The following RNF150 variants were observed in gnomAD, a reference collection of about 807,000 sequenced individuals.
The protein encoded by RNF150 is ring finger protein 150.
In RNF150, 24 loss-of-function variants were observed where a neutral mutation model predicts 39.3. The ratio of observed to expected loss-of-function variants is 0.61; its 90% CI spans 0.44 to 0.86. The LOEUF is 0.86. RNF150 is among the 40% of genes least tolerant of loss of function. The pLI, the probability that RNF150 is intolerant of heterozygous loss-of-function variation, is 0.00. For missense variants in RNF150, 502 were observed against 587.8 expected (o/e 0.85, Z 1.51); for synonymous variants, 255 against 227.3 (o/e 1.12, Z -1.10).
At chr4:141,016,334 A>T (rs112972596) in intron 1 of RNF150, among the ~76,000 whole-genome samples, 3 of 152,310 alleles carry the variant, frequency 2.0e-5, no homozygotes, top group African/African-American at 7.2e-5. Flanking sequence ...AGACACACCC[A>T]CTTGCACCAA....
intron 6 of RNF150, among the ~76,000 whole-genome samples, chr4:140,868,757 C>T (rs60481929): frequency 0.011 from 1,601 of 152,058 alleles, 33 homozygotes; most frequent in African/African-American, 0.037. Context: ...GCATATCAAA[C>T]TCAGGAATTT....
intron 1 of RNF150, among the ~76,000 whole-genome samples, chr4:141,052,584 C>T (rs1018883065): frequency 2.0e-5 from 3 of 152,108 alleles, no homozygotes; most frequent in Non-Finnish European, 4.4e-5. Flanking sequence ...CTACGTTGGC[C>T]AGGCTGGTCT....
At chr4:140,917,818 T>C (rs6839371) in intron 5 of RNF150, among the ~76,000 whole-genome samples, 1 of 149,634 alleles carries the variant, frequency 6.7e-6, no homozygotes, top group Non-Finnish European at 1.5e-5. Context: ...AAATGTAAAG[T>C]AACAGAAATT....
At chr4:140,970,377 C>T (rs1357587145) in intron 1 of RNF150, among the ~76,000 whole-genome samples, 10 of 152,028 alleles carry the variant, frequency 6.6e-5, no homozygotes, top group Admixed American at 5.9e-4. Flanking sequence ...TGAGGTTGAC[C>T]TATCTTTTGC....
At chr4:141,008,213 A>C (rs1014040094) in intron 1 of RNF150, among the ~76,000 whole-genome samples, 1 of 152,224 alleles carries the variant, frequency 6.6e-6, no homozygotes, top group African/African-American at 2.4e-5. Context: ...GCATCATTTC[A>C]AATGTTTTTT....
intron 1 of RNF150, among the ~76,000 whole-genome samples, chr4:141,032,069 CAT>C (rs35270734): frequency 4.9e-4 from 74 of 151,876 alleles, no homozygotes; most frequent in Non-Finnish European, 8.5e-4. Context: ...CACACACACA[CAT>C]ACACATACAT....
intron 1 of RNF150, among the ~76,000 whole-genome samples, chr4:141,044,948 G>C (rs1013980542): frequency 6.6e-6 from 1 of 152,146 alleles, no homozygotes; most frequent in Non-Finnish European, 1.5e-5. Flanking sequence ...TTTTCTTTAC[G>C]GAGTATTTAC....
chr4:140,926,151 C>G (rs1179116568), intron 4 of RNF150, 78 bp from the exon 5 acceptor site: 1 of 1,012,134 alleles, frequency 9.9e-7, no homozygotes, highest in African/African-American at 1.6e-5. Context: ...GGGACTCGTC[C>G]AAGGTCACAA....
At chr4:141,109,162 C>G (rs1739308470) in intron 1 of RNF150, among the ~76,000 whole-genome samples, 1 of 152,048 alleles carries the variant, frequency 6.6e-6, no homozygotes. Context: ...GCTATTTACC[C>G]CCAGCCCAAT....
rs1435894176 is a variant in RNF150, at chr4:140,971,971, C to T, written c.485-4098G>A. ...TTTTCAACCTCCTGTATTCTTTTCT[C>T]TACACTAATCTTTACTTCAATCTCA... On this transcript the variant is annotated intron_variant, in intron 1 of 6. Coordinates refer to ENST00000515673, the MANE Select transcript of RNF150 (RefSeq NM_020724.2). 2.0e-5 allele frequency among the ~76,000 whole-genome samples: 3 copies of T among 152,090 alleles called. No individual in the cohort carries two copies. The East Asian group carries it at 5.8e-4, about 29-fold the overall frequency.
At chr4:141,138,167 T>A (rs531102994), upstream of RNF150, among the ~76,000 whole-genome samples, 82 of 152,336 alleles carry the variant, frequency 5.4e-4, no homozygotes, top group Non-Finnish European at 1.1e-3. Context: ...AAAAAATGAA[T>A]CATAACATTT....
chr4:140,930,624 T>C (rs951880796), intron 4 of RNF150, among the ~76,000 whole-genome samples: 2 of 152,208 alleles, frequency 1.3e-5, no homozygotes, highest in African/African-American at 4.8e-5. Context: ...TCTGTCACAT[T>C]CGGGACTTTT....
At chr4:141,058,681 T>A (rs940067863) in intron 1 of RNF150, among the ~76,000 whole-genome samples, 2 of 152,158 alleles carry the variant, frequency 1.3e-5, no homozygotes, top group African/African-American at 2.4e-5. Context: ...GGAACACCAA[T>A]AACTACTTCA....
At chr4:140,955,692 G>C (rs1732720542) in intron 2 of RNF150, among the ~76,000 whole-genome samples, 1 of 152,126 alleles carries the variant, frequency 6.6e-6, no homozygotes, top group Admixed American at 6.5e-5. Context: ...CTTTCTTCTA[G>C]AGCAGTTTCA....
At chr4:140,894,388 T>G (rs139334438) in intron 6 of RNF150, among the ~76,000 whole-genome samples, 1 of 152,228 alleles carries the variant, frequency 6.6e-6, no homozygotes, top group Non-Finnish European at 1.5e-5. Flanking sequence ...GTTAATATAT[T>G]CTGTGACCTT....
At chr4:140,949,524 G>A in intron 2 of RNF150, 152 bp from the exon 3 acceptor site, 1 of 654,520 alleles carries the variant, frequency 1.5e-6, no homozygotes, top group Non-Finnish European at 2.7e-6. Flanking sequence ...CAGGGCAGTG[G>A]CATTTGTGCA....
chr4:140,906,445 T>C (rs35164406), intron 6 of RNF150, among the ~76,000 whole-genome samples: 76,694 of 152,022 alleles, frequency 0.5, 21,715 homozygotes, highest in Non-Finnish European at 0.65. Context: ...TATTACACCA[T>C]TTTATATAAG....
intron 1 of RNF150, among the ~76,000 whole-genome samples, chr4:141,120,653 A>G (rs1021921835): frequency 1.3e-5 from 2 of 152,228 alleles, no homozygotes; most frequent in Non-Finnish European, 2.9e-5. Flanking sequence ...AGAGGTTCCA[A>G]AGGTCCTGGG....
At chr4:141,107,003 G>C (rs541073343) in intron 1 of RNF150, among the ~76,000 whole-genome samples, 1 of 151,958 alleles carries the variant, frequency 6.6e-6, no homozygotes. Context: ...TCTTTCACTT[G>C]AAAAATATCC....
Sources: gnomAD v4.1 joint callset for allele counts (sites outside exome capture counted in the v4.1 genomes callset) on GRCh38, gnomAD v4.1.1 for gene constraint, MANE v1.5 for transcripts, NCBI Gene and HGNC (gene_info 2026-07-23, HGNC 2026-07-21) for gene names.